The following PCDHA9 variants were observed in gnomAD, a reference collection of about 807,000 sequenced individuals.
PCDHA9 encodes protocadherin alpha 9.
Under a neutral mutation model 62.0 loss-of-function variants are expected in PCDHA9, and 62 were observed. The observed-to-expected ratio is 1.00, with a 90% CI of 0.81 to 1.23. The LOEUF is 1.23. PCDHA9 is among the 50% of genes most tolerant of loss of function. PCDHA9 has a pLI of 0.00. For missense variants in PCDHA9, 1,205 were observed against 1,249.8 expected (o/e 0.96, Z 0.54); for synonymous variants, 557 against 567.6 (o/e 0.98, Z 0.27).
At chr5:140,960,557 G>A (rs2095556177) in intron 1 of PCDHA9, among the ~76,000 whole-genome samples, 1 of 152,104 alleles carries the variant, frequency 6.6e-6, no homozygotes. Context: ...TATAGACTGA[G>A]CTTAGGAAAA....
At position 140,859,346 on chromosome 5, in the gene PCDHA9, T is replaced by G. The variant is rs978302846; in HGVS notation, c.2394+8457T>G. On this transcript the variant is annotated intron_variant, in intron 1 of 3. Transcript: ENST00000532602. ...AGGAGAAAATAAAATTAATGTTTTCTACTGATCTGATATATTGTATAGTTT... is the reference window on the plus strand; with the variant it reads ...AGGAGAAAATAAAATTAATGTTTTCGACTGATCTGATATATTGTATAGTTT... 7 of 128,770 alleles carry G rather than the reference T, an allele frequency of 5.4e-5. 1 individual carries two copies. In the Admixed American group the frequency reaches 5.5e-4, roughly 10 times the overall value. 8.0% of individuals were successfully genotyped at this position (128,770 alleles called of 1,614,324 possible).
intron 1 of PCDHA9, among the ~76,000 whole-genome samples, chr5:140,953,275 C>G (rs1290645865): frequency 6.6e-6 from 1 of 152,074 alleles, no homozygotes; most frequent in African/African-American, 2.4e-5. Context: ...AGCCTTTGCT[C>G]TTTATATGTG....
chr5:140,929,205 G>A (rs201292001), intron 1 of PCDHA9: 14 of 1,614,120 alleles, frequency 8.7e-6, no homozygotes, highest in Non-Finnish European at 1.2e-5. Flanking sequence ...GTTTGCTGTT[G>A]CGTGGGGAGT....
chr5:140,883,355 A>T (rs763058953), intron 1 of PCDHA9: 2 of 1,614,076 alleles, frequency 1.2e-6, no homozygotes, highest in Admixed American at 3.3e-5. Context: ...CAGAGAAGAC[A>T]CTCAGCCTAG....
chr5:140,871,382 A>C (rs781900960), intron 1 of PCDHA9: 1 of 1,614,070 alleles, frequency 6.2e-7, no homozygotes, highest in South Asian at 1.1e-5. Context: ...GTGTGCTCTG[A>C]GGAGGGCCCA....
At chr5:140,928,712 G>T in intron 1 of PCDHA9, 2 of 1,614,168 alleles carry the variant, frequency 1.2e-6, no homozygotes, top group Non-Finnish European at 1.7e-6. Flanking sequence ...TCTGACTCTA[G>T]TCTCTTTAGA....
chr5:140,895,885 C>T (rs2065231883), intron 1 of PCDHA9, among the ~76,000 whole-genome samples: 1 of 152,174 alleles, frequency 6.6e-6, no homozygotes, highest in South Asian at 2.1e-4. Context: ...GATCTCGGCT[C>T]ACTGCAACCT....
Position 141,009,998 on chromosome 5 carries a change from T to A in PCDHA9, c.*61T>A. On this transcript the variant is annotated 3_prime_UTR_variant, in exon 4 of 4. Transcript: ENST00000532602. ...TTGTAATAATGGCAAATCTCTCCCA[T>A]GTAGCAATTCCCTGCTCCTTTTTCC... 1 of 1,575,994 alleles carries A rather than the reference T, an allele frequency of 6.3e-7. No individual in the cohort carries two copies. Among genetic ancestry groups the A allele is most frequent in the Non-Finnish European group, 8.6e-7 (1 of 1,164,944 alleles).
intron 1 of PCDHA9, chr5:140,926,974 G>T (rs145276602): frequency 2.2e-4 from 360 of 1,610,140 alleles, no homozygotes; most frequent in Middle Eastern, 1.2e-3. Context: ...CTCAGTGCCG[G>T]AGGAGACGGA....
At chr5:140,919,376 CAT>C (rs1245050758) in intron 1 of PCDHA9, among the ~76,000 whole-genome samples, 1 of 152,192 alleles carries the variant, frequency 6.6e-6, no homozygotes, top group Non-Finnish European at 1.5e-5. Context: ...GCAGACAACA[CAT>C]AGTTGGATGT....
At chr5:140,901,766 A>T (rs2068897184) in intron 1 of PCDHA9, among the ~76,000 whole-genome samples, 1 of 152,188 alleles carries the variant, frequency 6.6e-6, no homozygotes, top group Admixed American at 6.5e-5. Flanking sequence ...CAGGGATTGC[A>T]TTGAATTTGT....
intron 1 of PCDHA9, chr5:140,884,367 T>G (rs2060126363): frequency 1.2e-6 from 2 of 1,613,928 alleles, no homozygotes; most frequent in Middle Eastern, 3.3e-4. Context: ...AATGTTTACT[T>G]GATCATTGCC....
chr5:140,886,705 A>T (rs1293719338), intron 1 of PCDHA9, among the ~76,000 whole-genome samples: 3 of 152,058 alleles, frequency 2.0e-5, no homozygotes, highest in Non-Finnish European at 2.9e-5. Flanking sequence ...ACGCGCCTGT[A>T]ATCCCAGCTA....
intron 1 of PCDHA9, among the ~76,000 whole-genome samples, chr5:140,977,149 G>A (rs1484811068): frequency 6.6e-6 from 1 of 152,198 alleles, no homozygotes; most frequent in Non-Finnish European, 1.5e-5. Flanking sequence ...TGCTGGAACT[G>A]TGCCTTTCAG....
intron 1 of PCDHA9, chr5:140,857,586 G>A: frequency 6.3e-7 from 1 of 1,596,656 alleles, no homozygotes; most frequent in Non-Finnish European, 8.6e-7. Flanking sequence ...CACGCGGAGA[G>A]CGGCAAGGTG....
Position 140,927,881 on chromosome 5 carries a change from T to C in PCDHA9, c.2395-51068T>C, listed in dbSNP as rs781982234. 10 of 1,613,978 alleles carry C rather than the reference T, an allele frequency of 6.2e-6. No homozygotes were observed. Among genetic ancestry groups the C allele is most frequent in the Non-Finnish European group, 8.5e-6 (10 of 1,180,010 alleles). Reference sequence around the variant, plus strand: ...AGCACCGCTAAACTGCTGGTGGAGGTGACTGACGTGAACGATCATGCCCCC... The same window carrying C: ...AGCACCGCTAAACTGCTGGTGGAGGCGACTGACGTGAACGATCATGCCCCC... On this transcript the variant is annotated intron_variant, in intron 1 of 3. Coordinates refer to ENST00000532602, the MANE Select transcript of PCDHA9 (RefSeq NM_031857.2).
At chr5:140,950,669 G>C (rs1554219570) in intron 1 of PCDHA9, among the ~76,000 whole-genome samples, 1 of 151,992 alleles carries the variant, frequency 6.6e-6, no homozygotes, top group African/African-American at 2.4e-5. Flanking sequence ...TATCAAACAT[G>C]TACATGTATA....
intron 3 of PCDHA9, among the ~76,000 whole-genome samples, chr5:140,999,659 G>A (rs1208907437): frequency 6.6e-6 from 1 of 152,162 alleles, no homozygotes; most frequent in African/African-American, 2.4e-5. Context: ...GAGCCCTGCT[G>A]GGTTGCGGGG....
intron 1 of PCDHA9, chr5:140,882,349 T>TC (rs1396642305): frequency 5.0e-6 from 8 of 1,613,872 alleles, no homozygotes; most frequent in Non-Finnish European, 6.8e-6. Context: ...GGGAGACGGG[T>TC]AGTGGCCAGC....
Sources: gnomAD v4.1 joint callset for allele counts (sites outside exome capture counted in the v4.1 genomes callset) on GRCh38, gnomAD v4.1.1 for gene constraint, MANE v1.5 for transcripts, NCBI Gene and HGNC (gene_info 2026-07-23, HGNC 2026-07-21) for gene names.